The following TNIP1 variants were observed in gnomAD, a reference collection of about 807,000 sequenced individuals.
The protein encoded by TNIP1 is TNFAIP3 interacting protein 1.
Under a neutral mutation model 86.6 loss-of-function variants are expected in TNIP1, and 22 were observed. That is an observed-to-expected ratio of 0.25 (90% CI 0.18 to 0.36). The LOEUF is 0.36. TNIP1 is among the 10% of genes least tolerant of loss of function. The pLI is 1.00. For missense variants in TNIP1, 709 were observed against 820.6 expected, an observed-to-expected ratio of 0.86 and a Z score of 1.66; for synonymous variants, 294 against 313.0, an observed-to-expected ratio of 0.94 and a Z score of 0.64.
chr5:151,039,005 T>A, intron 12 of TNIP1, 92 bp downstream of exon 12: 1 of 1,512,232 alleles, frequency 6.6e-7, no homozygotes, highest in East Asian at 2.3e-5. Flanking sequence ...TTACCCTTCC[T>A]AAGCTGAATG....
chr5:151,056,989 T>C, intron 5 of TNIP1, 32 bp from the exon 6 acceptor site: 1 of 1,403,102 alleles, frequency 7.1e-7, no homozygotes, highest in Non-Finnish European at 9.3e-7. Flanking sequence ...GGCCCACTCT[T>C]CACCAAGGCC....
intron 8 of TNIP1, among the ~76,000 whole-genome samples, chr5:151,047,439 G>A (rs901037058): frequency 6.6e-6 from 1 of 152,178 alleles, no homozygotes; most frequent in Non-Finnish European, 1.5e-5. Flanking sequence ...GAAAATGAGG[G>A]AGAAGAGACA....
At chr5:151,079,935 G>A (rs1352264968) in intron 1 of TNIP1, 1 of 151,698 alleles carries the variant, frequency 6.6e-6, no homozygotes, top group Non-Finnish European at 1.5e-5. Flanking sequence ...ACCGTACTGT[G>A]AGAAAAAAAT....
upstream of TNIP1, among the ~76,000 whole-genome samples, chr5:151,084,895 T>A (rs1163959046): frequency 1.3e-5 from 2 of 152,216 alleles, no homozygotes; most frequent in Non-Finnish European, 2.9e-5. Flanking sequence ...TGAGAATGCA[T>A]ATCAAGCACA....
chr5:151,048,760 A>G (rs557308107), intron 8 of TNIP1, among the ~76,000 whole-genome samples: 2 of 152,340 alleles, frequency 1.3e-5, no homozygotes, highest in East Asian at 3.9e-4. Flanking sequence ...GAGGGCAGAC[A>G]AGGCCGGATC....
chr5:151,084,384 G>T (rs1370567821), upstream of TNIP1, among the ~76,000 whole-genome samples: 1 of 151,052 alleles, frequency 6.6e-6, no homozygotes. Flanking sequence ...GGTGGAGGTT[G>T]CAATGAGCCA....
At chr5:151,059,868 C>T (rs10041304) in intron 5 of TNIP1, among the ~76,000 whole-genome samples, 28,722 of 71,476 alleles carry the variant, frequency 0.4, 3,720 homozygotes, top group East Asian at 0.48. Flanking sequence ...TGTGTGTGTG[C>T]GCGCGCGCGC....
rs527620857 is a variant in TNIP1 at position 151,050,501 on chromosome 5, C to A, written c.723-554G>T. Among the ~76,000 whole-genome samples, 3 of 152,260 alleles carry A rather than the reference C, an allele frequency of 2.0e-5. No homozygotes were observed. In the South Asian group the frequency reaches 6.2e-4, roughly 32 times the overall value. On this transcript the variant is annotated intron_variant, in intron 7 of 17. Coordinates refer to ENST00000521591, the MANE Select transcript of TNIP1 (RefSeq NM_006058.5). ...CAGGTAATGCTGTTTTCCATTTACT[C>A]TAGTTAAAGTTGCCTTTATAATTTT...
At chr5:151,048,797 G>A (rs1561835818) in intron 8 of TNIP1, among the ~76,000 whole-genome samples, 1 of 152,214 alleles carries the variant, frequency 6.6e-6, no homozygotes, top group Non-Finnish European at 1.5e-5. Context: ...GGGAAGAAAA[G>A]AGGATCTCCA....
chr5:151,043,972 C>T (rs764924863), intron 9 of TNIP1, among the ~76,000 whole-genome samples: 2 of 151,884 alleles, frequency 1.3e-5, no homozygotes, highest in African/African-American at 4.8e-5. Flanking sequence ...AGGATCCACA[C>T]CAATTTCAAA....
At chr5:151,084,796 C>T (rs561464179), upstream of TNIP1, among the ~76,000 whole-genome samples, 10 of 152,298 alleles carry the variant, frequency 6.6e-5, no homozygotes, top group South Asian at 2.1e-3. Context: ...GAGGCAATCT[C>T]AGGAGTGTAA....
intron 8 of TNIP1, among the ~76,000 whole-genome samples, chr5:151,046,593 G>A (rs1213832894): frequency 2.0e-5 from 3 of 152,104 alleles, no homozygotes; most frequent in African/African-American, 7.2e-5. Flanking sequence ...GGGCTGCTTT[G>A]AGGGGCTGGA....
chr5:151,037,035 C>A, intron 12 of TNIP1, 114 bp from the exon 13 acceptor site: 3 of 1,292,610 alleles, frequency 2.3e-6, no homozygotes, highest in Non-Finnish European at 3.1e-6. Flanking sequence ...ATAATAGCCA[C>A]CACTACCAGT....
chr5:151,057,735 A>C (rs1760858726), intron 5 of TNIP1, among the ~76,000 whole-genome samples: 1 of 152,120 alleles, frequency 6.6e-6, no homozygotes, highest in South Asian at 2.1e-4. Flanking sequence ...CAAACAAAAA[A>C]CTGTATTGAA....
chr5:151,080,718 C>T (rs1763925674), intron 1 of TNIP1, among the ~76,000 whole-genome samples, 162 bp downstream of exon 1: 1 of 152,218 alleles, frequency 6.6e-6, no homozygotes, highest in South Asian at 2.1e-4. Context: ...GCGGCTCAGC[C>T]CGGCTTGGCC....
chr5:151,064,720 G>A (rs377552112), intron 2 of TNIP1, among the ~76,000 whole-genome samples: 154 of 152,300 alleles, frequency 1.0e-3, no homozygotes, highest in Middle Eastern at 6.8e-3. Flanking sequence ...CCTCCCTCTT[G>A]GACCTGAGTC....
At chr5:151,077,799 A>G (rs544958338) in intron 1 of TNIP1, among the ~76,000 whole-genome samples, 1 of 152,334 alleles carries the variant, frequency 6.6e-6, no homozygotes, top group East Asian at 1.9e-4. Flanking sequence ...AACTGCTCTG[A>G]CCATTTCCCA....
At chr5:151,041,069 T>A (rs189411256) in intron 11 of TNIP1, among the ~76,000 whole-genome samples, 1 of 145,564 alleles carries the variant, frequency 6.9e-6, no homozygotes, top group African/African-American at 2.6e-5. Context: ...TTCTTCGTAG[T>A]ACTTTTTTTT....
At chr5:151,031,953 G>T (rs186296926) in intron 17 of TNIP1, 237 of 215,314 alleles carry the variant, frequency 1.1e-3, no homozygotes, top group Admixed American at 1.6e-3. Context: ...GGGCACTTGA[G>T]TGCAGCCTGT....
Sources: gnomAD v4.1 joint callset for allele counts (sites outside exome capture counted in the v4.1 genomes callset) on GRCh38, gnomAD v4.1.1 for gene constraint, MANE v1.5 for transcripts, NCBI Gene and HGNC (gene_info 2026-07-23, HGNC 2026-07-21) for gene names.